The following FBN3 variants were observed in gnomAD, a reference collection of about 807,000 sequenced individuals.
The protein encoded by FBN3 is fibrillin-3.
FBN3 carries 234 observed loss-of-function variants against 330.1 expected under a neutral mutation model. That is an observed-to-expected ratio of 0.71 (90% confidence interval 0.64 to 0.79). The LOEUF is 0.79. Ranked by LOEUF, FBN3 falls within the 30% of genes least tolerant of loss-of-function variation. The pLI, the probability that FBN3 is intolerant of heterozygous loss-of-function variation, is 0.00. For missense variants in FBN3, 3,606 were observed against 3,886.9 expected (o/e 0.93, Z 1.92); for synonymous variants, 1,458 against 1,517.3 (o/e 0.96, Z 0.91).
intron 41 of FBN3, 98 bp downstream of exon 41, chr19:8,100,803 T>G (rs2082311178): frequency 8.8e-6 from 7 of 796,294 alleles, no homozygotes; most frequent in Middle Eastern, 2.4e-4. Context: ...GATGGAGGAG[T>G]GGATGTAAGG....
rs146977165 is a variant in FBN3, at chr19:8,141,750, G to A, written c.832C>T (p.His278Tyr). 2.2e-4 allele frequency: 362 copies of A among 1,614,150 alleles called. 1 individual carries two copies. The African/African-American group carries it at 4.6e-3, about 20-fold the overall frequency. ...GSFHCRCPVG[H>Y]RLSDSSAACE... ...GCGGCGCTGCTGTCACTGAGCCGGT[G>A]TCCAACTGGACAGCGGCAATGGAAG... Residue 278 changes from histidine to tyrosine, a missense_variant, in exon 8 of 64, where the codon CAC (histidine) becomes TAC (tyrosine). His to Tyr is a moderately conservative substitution (Grantham distance 83, BLOSUM62 2). Transcript: ENST00000600128.
rs71165275 is a variant in FBN3 at position 8,103,266 on chromosome 19, CAAAAAAAAA to C, written c.4939+287_4939+295del. ...TGGGTGACAGAGTGAGACTCTATCT[CAAAAAAAAA>C]AAAAAAAAAAGATTACTGGCTGGCT... On this transcript the variant is annotated intron_variant, in intron 39 of 63. Coordinates refer to ENST00000600128, the MANE Select transcript of FBN3 (RefSeq NM_032447.5). Among the ~76,000 whole-genome samples, 5 of 107,964 alleles carry C rather than the reference CAAAAAAAAA, an allele frequency of 4.6e-5. No homozygotes were observed. The East Asian group carries it at 1.4e-3, about 29-fold the overall frequency. The allele number at this position is 107,964 out of a possible 152,430, so 70.8% of individuals were successfully genotyped here.
intron 37 of FBN3, among the ~76,000 whole-genome samples, chr19:8,106,805 G>A (rs1254317335): frequency 6.6e-6 from 1 of 151,432 alleles, no homozygotes; most frequent in Non-Finnish European, 1.5e-5. Flanking sequence ...ATGAATGGGG[G>A]AATAGAAAGG....
chr19:8,139,975 G>T lies in FBN3; in HGVS notation c.866-1411C>A, dbSNP rs2083375747. Among the ~76,000 whole-genome samples the T allele has an allele frequency of 2.0e-5, 3 of 151,932 alleles. No individual in the cohort carries two copies. The South Asian group carries it at 6.2e-4, about 32-fold the overall frequency. ...GGGCCCCCCAGGTACGTGCGTGGGAGTCAGGGTTTTTCGTTCTCAGCCTTA... is the reference window on the plus strand; with the variant it reads ...GGGCCCCCCAGGTACGTGCGTGGGATTCAGGGTTTTTCGTTCTCAGCCTTA... On this transcript the variant is annotated intron_variant, in intron 8 of 63. Transcript: ENST00000600128.
chr19:8,126,844 G>GC lies in FBN3; in HGVS notation c.2297-13dup, dbSNP rs745686621. 1.1e-5 allele frequency: 17 copies of GC among 1,537,370 alleles called. No individual in the cohort carries two copies. The highest frequency in any genetic ancestry group is 1.2e-5 in the Non-Finnish European group (14 of 1,144,860). On this transcript the variant is annotated splice_polypyrimidine_tract_variant and intron_variant, in intron 18 of 63. Transcript: ENST00000600128. The stretch of plus-strand genomic sequence containing the variant: ...GCATTCGTCGACATCTGTGGGGACA[G>GC]CCCCCCACCAGGTCCTGAGCTGCAG...
chr19:8,143,835 A>G (rs2083473308), intron 6 of FBN3, among the ~76,000 whole-genome samples: 1 of 115,534 alleles, frequency 8.7e-6, no homozygotes, highest in Admixed American at 8.9e-5. Flanking sequence ...TTTTTTTAAG[A>G]GACAGAGGGT....
intron 56 of FBN3, 59 bp downstream of exon 56, chr19:8,085,304 C>G (rs2081913510): frequency 1.4e-6 from 2 of 1,445,916 alleles, no homozygotes; most frequent in East Asian, 5.0e-5. Context: ...GACACATGAC[C>G]CTGAGCAAAC....
At chr19:8,123,015 T>G (rs1176314621) in intron 24 of FBN3, among the ~76,000 whole-genome samples, 2 of 151,306 alleles carry the variant, frequency 1.3e-5, no homozygotes, top group African/African-American at 4.8e-5. Context: ...GGCAATCACC[T>G]GCCCTAGGTC....
chr19:8,076,975 G>A (rs936852285), intron 59 of FBN3, among the ~76,000 whole-genome samples: 1 of 152,116 alleles, frequency 6.6e-6, no homozygotes, highest in Admixed American at 6.6e-5. Flanking sequence ...TGTTGCCCAG[G>A]CTGGTCGCAA....
At position 8,116,562 on chromosome 19, in the gene FBN3, G is replaced by T. The variant is rs1035624721; in HGVS notation, c.3712+112C>A. ...CTCATCTTCCTACCTGCGAATGGCA[G>T]GGGTGGGGCCTGGCATTTTTCATGC... On this transcript the variant is annotated intron_variant, in intron 29 of 63. Transcript: ENST00000600128. The T allele has an allele frequency of 1.7e-5, 19 of 1,138,676 alleles. No homozygotes were observed. In the African/African-American group the frequency reaches 2.6e-4, roughly 16 times the overall value. The allele number at this position is 1,138,676 out of a possible 1,614,324, so 70.5% of individuals were successfully genotyped here.
rs1204021317 is a variant in FBN3 at position 8,121,928 on chromosome 19, T to C, written c.3083-542A>G. Among the ~76,000 whole-genome samples the C allele has an allele frequency of 6.6e-6, 1 of 151,554 alleles. No individual in the cohort carries two copies. Among genetic ancestry groups the C allele is most frequent in the African/African-American group, 2.4e-5 (1 of 41,164 alleles). ...CCATGCCCGGCTAATTTTGTATTTT[T>C]AGTAGAGATGGTGTTTCGCCATGTT... On this transcript the variant is annotated intron_variant, in intron 24 of 63. Transcript: ENST00000600128. The surrounding 1 kb of genome is among the most constrained non-coding windows in gnomAD (Gnocchi z 4.5).
chr19:8,123,564 A>G lies in FBN3; in HGVS notation c.2982T>C (p.Pro994=). 1.9e-6 allele frequency: 3 copies of G among 1,614,230 alleles called. No individual in the cohort carries two copies. The highest frequency in any genetic ancestry group is 2.5e-6 in the Non-Finnish European group (3 of 1,180,024). Residue 994 remains proline, a synonymous_variant, in exon 24 of 64, where the codon CCT becomes CCC. Coordinates refer to ENST00000600128, the MANE Select transcript of FBN3 (RefSeq NM_032447.5). ...YKDVNECKVF[P]GLCTHGTCRN... ...TGCAGGTACCGTGCGTGCAGAGGCCAGGGAACACCTTGCATTCATTCACAT... is the reference window on the plus strand; with the variant it reads ...TGCAGGTACCGTGCGTGCAGAGGCCGGGGAACACCTTGCATTCATTCACAT...
At position 8,072,962 on chromosome 19, in the gene FBN3, GCC is replaced by G; in HGVS notation, c.7937+99_7937+100del. ...CTGGTAAATTCTTGGCATGCACAAA[GCC>G]CCGTGTGTGTGTGTGTGTGTGTGTG... On this transcript the variant is annotated intron_variant, in intron 62 of 63. Coordinates refer to ENST00000600128, the MANE Select transcript of FBN3 (RefSeq NM_032447.5). 4 of 759,620 alleles carry G rather than the reference GCC, an allele frequency of 5.3e-6. 1 individual carries two copies. In the South Asian group the frequency reaches 7.3e-5, roughly 14 times the overall value. The allele number at this position is 759,620 out of a possible 1,614,324, so 47.1% of individuals were successfully genotyped here.
Position 8,073,267 on chromosome 19 carries a change from G to T in FBN3, c.7733C>A (p.Thr2578Asn), listed in dbSNP as rs752909877. ...DENECALSPPTCGSASCRNTL... is the reference protein window; with the variant it reads ...DENECALSPPNCGSASCRNTL... ...GTTGCGACAGGAGGCGCTCCCGCAG[G>T]TGGGGGGCGACAGGGCACACTCATT... The change falls in exon 62 of 64, where the codon ACC (threonine) becomes AAC (asparagine). Residue 2578 changes from threonine (T) to asparagine (N), a missense_variant. By Grantham distance (65) the Thr-to-Asn change is moderately conservative (BLOSUM62 0). Transcript: ENST00000600128. The T allele has an allele frequency of 3.7e-6, 6 of 1,613,876 alleles. No homozygotes were observed. The highest frequency in any genetic ancestry group is 1.3e-5 in the African/African-American group (1 of 74,914).
intron 6 of FBN3, among the ~76,000 whole-genome samples, chr19:8,144,147 G>C (rs889874529): frequency 6.6e-6 from 1 of 151,908 alleles, no homozygotes; most frequent in African/African-American, 2.4e-5. Flanking sequence ...ACTGGGTGTG[G>C]TGGCTCATTT....
chr19:8,077,723 C>T (rs1429002459), intron 59 of FBN3, among the ~76,000 whole-genome samples: 1 of 151,950 alleles, frequency 6.6e-6, no homozygotes, highest in Non-Finnish European at 1.5e-5. Context: ...TAGGAGTGGC[C>T]CCTGCGGCTG....
In FBN3 at chr19:8,096,421, G is replaced by A. The variant is rs1352980040; in HGVS notation, c.5539+23C>T. ...ACCCCAGGCAGCCTGGCTTGAAAAG[G>A]AGGGGGAAGATAAGGGTCTCACCCA... On this transcript the variant is annotated intron_variant, in intron 44 of 63. Transcript: ENST00000600128. This position sits in a 1 kb window ranked among gnomAD's most constrained non-coding sequence, Gnocchi z 4.6. 6.2e-7 allele frequency: 1 copy of A among 1,605,508 alleles called. No individual in the cohort carries two copies. The highest frequency in any genetic ancestry group is 2.2e-5 in the East Asian group (1 of 44,652).
intron 13 of FBN3, among the ~76,000 whole-genome samples, chr19:8,133,742 G>T: frequency 1.3e-5 from 2 of 151,958 alleles, no homozygotes; most frequent in East Asian, 3.9e-4. Context: ...GTGAGCCACC[G>T]CGCCCAACCT....
chr19:8,141,942 T>G lies in FBN3; in HGVS notation c.737A>C (p.Gln246Pro). The G allele has an allele frequency of 6.2e-7, 1 of 1,614,144 alleles. No individual in the cohort carries two copies. Among genetic ancestry groups the G allele is most frequent in the African/African-American group, 1.3e-5 (1 of 75,052 alleles). The change falls in exon 7 of 64, where the codon CAA (glutamine) becomes CCA (proline). Residue 246 changes from glutamine to proline, a missense_variant and splice_region_variant. Physicochemically the swap from Gln to Pro is moderately conservative, Grantham distance 76. Coordinates refer to ENST00000600128, the MANE Select transcript of FBN3 (RefSeq NM_032447.5). ...FIPNIHTGAC[Q>P]DVDECQAVPG... ...TCAGCCCTGACCCCACTATTCACCTTGGCAGGCCCCCGTGTGGATATTGGG... is the reference window on the plus strand; with the variant it reads ...TCAGCCCTGACCCCACTATTCACCTGGGCAGGCCCCCGTGTGGATATTGGG...
Sources: gnomAD v4.1 joint callset for allele counts (sites outside exome capture counted in the v4.1 genomes callset) on GRCh38, gnomAD v4.1.1 for gene constraint, Gnocchi (gnomAD v3.1) non-coding constraint, MANE v1.5 for transcripts, NCBI Gene and HGNC (gene_info 2026-07-23, HGNC 2026-07-21) for gene names.